Variants in SP1 observed in about 807,000 individuals in gnomAD.
SP1 encodes the protein Sp1 transcription factor.
Under a neutral mutation model 66.3 loss-of-function variants are expected in SP1, and 6 were observed. The ratio of observed to expected loss-of-function variants is 0.09; its 90% confidence interval spans 0.05 to 0.18. The LOEUF (loss-of-function observed/expected upper bound fraction) is 0.18. SP1 is among the 10% of genes least tolerant of loss of function. The probability of loss-of-function intolerance (pLI) is 1.00; values close to 1 mark genes in which losing one functional copy is unlikely to be tolerated. For missense variants in SP1, 848 were observed against 964.5 expected, an observed-to-expected ratio of 0.88 and a Z score of 1.60; for synonymous variants, 417 against 360.8, an observed-to-expected ratio of 1.16 and a Z score of -1.77.
At chr12:53,383,726 T>C (rs1938163292) in intron 3 of SP1, 104 bp downstream of exon 3, 2 of 909,062 alleles carry the variant, frequency 2.2e-6, no homozygotes, top group Non-Finnish European at 3.3e-6. Context: ...AACACTTTCT[T>C]GAGGGTTAGT....
At chr12:53,398,733 G>A (rs1938544081) in intron 3 of SP1, among the ~76,000 whole-genome samples, 1 of 152,130 alleles carries the variant, frequency 6.6e-6, no homozygotes, top group African/African-American at 2.4e-5. Context: ...AAAATTAAAA[G>A]CATTTACTTG....
At chr12:53,380,695 G>T in intron 1 of SP1, 9 of 983,994 alleles carry the variant, frequency 9.1e-6, no homozygotes, top group Non-Finnish European at 1.1e-5. Flanking sequence ...GTCGCCGCCT[G>T]CTCCAAGGCC....
intron 3 of SP1, among the ~76,000 whole-genome samples, chr12:53,396,137 C>T (rs868107578): frequency 7.3e-5 from 11 of 150,054 alleles, no homozygotes; most frequent in Non-Finnish European, 1.2e-4. Context: ...AAAAATTAGC[C>T]GGGTGTGGTG....
intron 3 of SP1, among the ~76,000 whole-genome samples, chr12:53,403,752 A>T (rs1465486785): frequency 1.3e-5 from 2 of 152,138 alleles, no homozygotes; most frequent in Non-Finnish European, 2.9e-5. Flanking sequence ...AATTTGAGAA[A>T]GGCTAGGCAG....
At chr12:53,387,704 G>A (rs1342697686) in intron 3 of SP1, among the ~76,000 whole-genome samples, 3 of 152,062 alleles carry the variant, frequency 2.0e-5, no homozygotes, top group Non-Finnish European at 4.4e-5. Flanking sequence ...AAATGTATTC[G>A]AGCCAGCCTG....
chr12:53,409,586 A>G (rs778303588), intron 5 of SP1, 25 bp downstream of exon 5: 10 of 1,577,318 alleles, frequency 6.3e-6, no homozygotes, highest in Non-Finnish European at 4.4e-6. Context: ...ATGGGAGAGA[A>G]AAATAGTAAT....
Position 53,383,417 on chromosome 12 carries a change from T to G in SP1, c.1470T>G (p.Val490=), listed in dbSNP as rs1033183300. 1 of 1,614,148 alleles carries G rather than the reference T, an allele frequency of 6.2e-7. No homozygotes were observed. The highest frequency in any genetic ancestry group is 1.7e-5 in the Admixed American group (1 of 60,008). The stretch of plus-strand genomic sequence containing the variant: ...TCACCTTAGCCCCAATGCAGGGTGT[T>G]TCCTTGGGGCAGACCAGCAGCAGCA... ...QTITLAPMQG[V]SLGQTSSSNT... is the part of the protein sequence containing the mutation. Residue 490 remains valine (V), a synonymous_variant, in exon 3 of 6, where the codon GTT becomes GTG. Coordinates refer to ENST00000327443, the MANE Select transcript of SP1 (RefSeq NM_138473.3).
At chr12:53,388,766 G>T (rs1938282498) in intron 3 of SP1, among the ~76,000 whole-genome samples, 1 of 152,076 alleles carries the variant, frequency 6.6e-6, no homozygotes, top group South Asian at 2.1e-4. Context: ...GATCTCTTGA[G>T]CTCAGGAGTT....
Position 53,411,568 on chromosome 12 carries a change from TC to T in SP1, c.*336del, listed in dbSNP as rs547576226. ...TCTTCTCAGCTCTTCCATGATGGAT[TC>T]CCCCCCCTTTCCTAAAGCCATCATG... On this transcript the variant is annotated 3_prime_UTR_variant, in exon 6 of 6. Transcript: ENST00000327443. 3.8e-4 allele frequency: 73 copies of T among 193,196 alleles called. No homozygotes were observed. Among genetic ancestry groups the T allele is most frequent in the East Asian group, 6.2e-4 (5 of 8,036 alleles). The allele number at this position is 193,196 out of a possible 1,614,324, so 12.0% of individuals were successfully genotyped here.
chr12:53,411,648 A>ATAT lies in SP1; in HGVS notation c.*415_*417dup, dbSNP rs904673226. 1.5e-5 allele frequency: 2 copies of ATAT among 135,626 alleles called. No individual in the cohort carries two copies. Among genetic ancestry groups the ATAT allele is most frequent in the East Asian group, 4.1e-4 (2 of 4,880 alleles). 8.4% of individuals were successfully genotyped at this position (135,626 alleles called of 1,614,324 possible). ...TACTTTTTAACAAAAAACAGATTCTATATTATTATATATATATATATATAT... is the reference window on the plus strand; with the variant it reads ...TACTTTTTAACAAAAAACAGATTCTATATTATTATTATATATATATATATATAT... On this transcript the variant is annotated 3_prime_UTR_variant, in exon 6 of 6. Coordinates refer to ENST00000327443, the MANE Select transcript of SP1 (RefSeq NM_138473.3).
intron 5 of SP1, among the ~76,000 whole-genome samples, chr12:53,410,076 G>T (rs776122241): frequency 2.0e-5 from 3 of 151,714 alleles, no homozygotes; most frequent in Non-Finnish European, 4.4e-5. Context: ...GGAGGCCGAG[G>T]TGGGTGGATT....
At chr12:53,388,944 C>T (rs1223799775) in intron 3 of SP1, among the ~76,000 whole-genome samples, 2 of 151,274 alleles carry the variant, frequency 1.3e-5, no homozygotes, top group Non-Finnish European at 2.9e-5. Context: ...CACGCCACAG[C>T]ACTCCAGCCT....
At position 53,414,920 on chromosome 12, in the gene SP1, TAAGGACAG is replaced by T. The variant is rs1938965827; in HGVS notation, c.*3681_*3688del. 6.6e-6 allele frequency: 1 copy of T among 152,530 alleles called. No homozygotes were observed. Among genetic ancestry groups the T allele is most frequent in the South Asian group, 2.1e-4 (1 of 4,824 alleles). The allele number at this position is 152,530 out of a possible 1,614,324, so 9.4% of individuals were successfully genotyped here. A position where few individuals can be genotyped will look rare whatever the true frequency, so the allele number is the denominator to read the frequency against. On this transcript the variant is annotated 3_prime_UTR_variant, in exon 6 of 6. Coordinates refer to ENST00000327443, the MANE Select transcript of SP1 (RefSeq NM_138473.3). ...TTTTGGAGATCAGGTACCAAGGAAA[TAAGGACAG>T]TCTAGCTGCCTCAAGTGAGGGGCCC...
At position 53,411,130 on chromosome 12, in the gene SP1, G is replaced by C; in HGVS notation, c.2248G>C (p.Ala750Pro). 5 of 1,614,208 alleles carry C rather than the reference G, an allele frequency of 3.1e-6. No individual in the cohort carries two copies. Among genetic ancestry groups the C allele is most frequent in the Non-Finnish European group, 4.2e-6 (5 of 1,180,028 alleles). Residue 750 changes from alanine (A) to proline (P), a missense_variant, in exon 6 of 6, where the codon GCC becomes CCC. Physicochemically the swap from Ala to Pro is conservative, Grantham distance 27. Transcript: ENST00000327443. ...AGCCCTTATTACCACCAATATGGTA[G>C]CCATGGAGGCCATCTGTCCAGAGGG... ...PSALITTNMV[A>P]MEAICPEGIA... is the part of the protein sequence containing the mutation.
rs993064787 is a variant in SP1, at chr12:53,382,342, A to G, written c.395A>G (p.Asn132Ser). ...EQSGSSTNGSNGSESSKNRTV... is the reference protein window; with the variant it reads ...EQSGSSTNGSSGSESSKNRTV... ...AGTGGCAGCAGTACCAATGGCAGCA[A>G]TGGCAGTGAGTCTTCCAAGAATCGC... The change falls in exon 3 of 6, where the codon AAT becomes AGT. Residue 132 changes from asparagine to serine, a missense_variant. Asn to Ser is a conservative substitution (Grantham distance 46). Coordinates refer to ENST00000327443, the MANE Select transcript of SP1 (RefSeq NM_138473.3). The G allele has an allele frequency of 5.6e-6, 9 of 1,614,084 alleles. No individual in the cohort carries two copies. The highest frequency in any genetic ancestry group is 1.6e-4 in the Middle Eastern group (1 of 6,084).
chr12:53,393,294 C>CTTTCTTTTT (rs990342367), intron 3 of SP1, among the ~76,000 whole-genome samples: 1 of 151,976 alleles, frequency 6.6e-6, no homozygotes, highest in East Asian at 1.9e-4. Context: ...TTTTTTCTTT[C>CTTTCTTTTT]TTTCTTTTTT....
At chr12:53,409,062 T>C (rs1938820524) in intron 4 of SP1, among the ~76,000 whole-genome samples, 1 of 148,608 alleles carries the variant, frequency 6.7e-6, no homozygotes, top group Admixed American at 6.8e-5. Context: ...TCATCTGCAC[T>C]AAAAATATAA....
chr12:53,383,945 T>G (rs1938166646), intron 3 of SP1, among the ~76,000 whole-genome samples: 1 of 151,432 alleles, frequency 6.6e-6, no homozygotes, highest in African/African-American at 2.4e-5. Flanking sequence ...TTAGACATTG[T>G]GGGCCTCATG....
intron 3 of SP1, among the ~76,000 whole-genome samples, chr12:53,397,177 A>G (rs1187649973): frequency 6.6e-6 from 1 of 151,742 alleles, no homozygotes; most frequent in Admixed American, 6.6e-5. Context: ...ACGCCTGGCT[A>G]ATTTTTGTAT....
Sources: gnomAD v4.1 joint callset for allele counts (sites outside exome capture counted in the v4.1 genomes callset) on GRCh38, gnomAD v4.1.1 for gene constraint, MANE v1.5 for transcripts, NCBI Gene and HGNC (gene_info 2026-07-23, HGNC 2026-07-21) for gene names.